The following MAGI1 variants were observed in gnomAD, a reference collection of about 807,000 sequenced individuals.
The protein encoded by MAGI1 is membrane-associated guanylate kinase, WW and PDZ domain-containing protein 1.
A neutral mutation model predicts 139.9 loss-of-function variants in MAGI1; 58 were observed. The observed-to-expected ratio is 0.41, with a 90% confidence interval of 0.34 to 0.52. MAGI1 has a LOEUF of 0.52. Ranked by LOEUF, MAGI1 falls within the 20% of genes least tolerant of loss-of-function variation. The pLI, the probability that MAGI1 is intolerant of heterozygous loss-of-function variation, is 0.12. For missense variants in MAGI1, 1,874 were observed against 1,901.6 expected, an observed-to-expected ratio of 0.99 and a Z score of 0.27; for synonymous variants, 812 against 737.9, an observed-to-expected ratio of 1.10 and a Z score of -1.63.
chr3:65,897,657 A>AAACAAC (rs1024262327), intron 1 of MAGI1, among the ~76,000 whole-genome samples: 6 of 151,954 alleles, frequency 3.9e-5, no homozygotes, highest in Non-Finnish European at 8.8e-5. Flanking sequence ...TATAATTAAA[A>AAACAAC]AACAACAACA....
At chr3:65,797,277 T>A (rs1029817180) in intron 1 of MAGI1, among the ~76,000 whole-genome samples, 4 of 152,104 alleles carry the variant, frequency 2.6e-5, no homozygotes, top group African/African-American at 9.7e-5. Flanking sequence ...CCAGTAAACA[T>A]TAAGGATGCA....
chr3:65,660,483 CA>C (rs2107380679), intron 1 of MAGI1, among the ~76,000 whole-genome samples: 1 of 152,314 alleles, frequency 6.6e-6, no homozygotes, highest in African/African-American at 2.4e-5. Flanking sequence ...CAAACATGGA[CA>C]TTGATTAGTC....
intron 1 of MAGI1, among the ~76,000 whole-genome samples, chr3:65,738,091 C>T (rs928383892): frequency 6.6e-6 from 1 of 152,158 alleles, no homozygotes; most frequent in Non-Finnish European, 1.5e-5. Flanking sequence ...TAAATCACAA[C>T]AGGTTTGCAC....
chr3:65,935,861 C>T (rs1014797293), intron 1 of MAGI1, among the ~76,000 whole-genome samples: 1 of 152,200 alleles, frequency 6.6e-6, no homozygotes, highest in Non-Finnish European at 1.5e-5. Context: ...ACCAAGGTGC[C>T]TCAGAGGACA....
intron 12 of MAGI1, among the ~76,000 whole-genome samples, chr3:65,408,096 G>C (rs1945500112): frequency 6.6e-6 from 1 of 152,194 alleles, no homozygotes; most frequent in Non-Finnish European, 1.5e-5. Context: ...ACCTTCACTA[G>C]TGACCCTCAG....
intron 1 of MAGI1, among the ~76,000 whole-genome samples, chr3:65,908,520 G>A (rs545550970): frequency 2.4e-4 from 37 of 152,238 alleles, no homozygotes; most frequent in African/African-American, 7.2e-4. Context: ...TCCTGACTTC[G>A]TGATCCACCC....
At chr3:65,392,458 G>T (rs187066932) in intron 13 of MAGI1, among the ~76,000 whole-genome samples, 4 of 152,006 alleles carry the variant, frequency 2.6e-5, no homozygotes, top group African/African-American at 9.7e-5. Context: ...GACAGGAAAG[G>T]GCTCTCCATT....
At chr3:65,541,615 C>T (rs906383589) in intron 2 of MAGI1, among the ~76,000 whole-genome samples, 2 of 152,174 alleles carry the variant, frequency 1.3e-5, no homozygotes, top group East Asian at 1.9e-4. Context: ...TCTGGTTCAA[C>T]GTACGCAAAT....
chr3:66,008,559 T>A (rs1283892930), intron 1 of MAGI1, among the ~76,000 whole-genome samples: 1 of 152,176 alleles, frequency 6.6e-6, no homozygotes, highest in Non-Finnish European at 1.5e-5. Flanking sequence ...AAGATACAAC[T>A]GAGTGGCAAG....
At chr3:65,677,618 T>C (rs1196097307) in intron 1 of MAGI1, among the ~76,000 whole-genome samples, 3 of 152,144 alleles carry the variant, frequency 2.0e-5, no homozygotes, top group Non-Finnish European at 4.4e-5. Context: ...AGAGAGAGAA[T>C]CATCACTTTG....
At chr3:65,850,933 C>G (rs1052899652) in intron 1 of MAGI1, among the ~76,000 whole-genome samples, 2 of 152,064 alleles carry the variant, frequency 1.3e-5, no homozygotes, top group African/African-American at 4.8e-5. Flanking sequence ...ATGGTGAAAC[C>G]CTGTCTCTAC....
chr3:65,483,398 C>T (rs916209415), intron 3 of MAGI1, among the ~76,000 whole-genome samples: 2 of 152,348 alleles, frequency 1.3e-5, no homozygotes, highest in African/African-American at 4.8e-5. Context: ...AGTATTCCAC[C>T]TTTGCAATGG....
intron 1 of MAGI1, among the ~76,000 whole-genome samples, chr3:65,907,270 G>A (rs1490518138): frequency 6.6e-6 from 1 of 152,112 alleles, no homozygotes; most frequent in Non-Finnish European, 1.5e-5. Flanking sequence ...TAACATATAT[G>A]TTATTCCCAT....
chr3:65,636,239 C>A (rs1017552391), intron 1 of MAGI1, among the ~76,000 whole-genome samples: 7 of 152,140 alleles, frequency 4.6e-5, no homozygotes, highest in African/African-American at 1.7e-4. Context: ...ATTCTCAAAC[C>A]ATTAAGATTC....
At chr3:65,815,643 G>A (rs992968403) in intron 1 of MAGI1, among the ~76,000 whole-genome samples, 4 of 152,040 alleles carry the variant, frequency 2.6e-5, no homozygotes, top group African/African-American at 9.7e-5. Flanking sequence ...TATTAAACAT[G>A]TAATATTTTA....
intron 2 of MAGI1, among the ~76,000 whole-genome samples, chr3:65,512,907 A>G (rs1406854398): frequency 1.9e-4 from 28 of 151,052 alleles, no homozygotes; most frequent in Admixed American, 1.7e-3. Flanking sequence ...AAAATCCTCA[A>G]TAAAATACTG....
chr3:65,884,699 T>A (rs1190136179), intron 1 of MAGI1, among the ~76,000 whole-genome samples: 1 of 152,132 alleles, frequency 6.6e-6, no homozygotes, highest in African/African-American at 2.4e-5. Context: ...GTCACCCAGG[T>A]AATGAACACA....
chr3:65,603,050 A>T (rs143653802), intron 2 of MAGI1, among the ~76,000 whole-genome samples: 10 of 152,264 alleles, frequency 6.6e-5, no homozygotes, highest in African/African-American at 2.4e-4. Flanking sequence ...AGCAATAGAA[A>T]ATGTGAATAG....
intron 1 of MAGI1, among the ~76,000 whole-genome samples, chr3:65,673,367 T>A (rs187387280): frequency 4.6e-5 from 7 of 152,328 alleles, no homozygotes; most frequent in Admixed American, 3.9e-4. Flanking sequence ...TATACCAGAG[T>A]AACCTGTGTC....
Sources: gnomAD v4.1 joint callset for allele counts (sites outside exome capture counted in the v4.1 genomes callset) on GRCh38, gnomAD v4.1.1 for gene constraint, MANE v1.5 for transcripts, NCBI Gene and HGNC (gene_info 2026-07-23, HGNC 2026-07-21) for gene names.